Variants in MYRIP observed in about 807,000 individuals in gnomAD.
MYRIP encodes the protein myosin VIIA and Rab interacting protein.
MYRIP carries 49 observed loss-of-function variants against 98.0 expected under a neutral mutation model. That is an observed-to-expected ratio of 0.50 (90% CI 0.40 to 0.63). The LOEUF is 0.63. Ranked by LOEUF, MYRIP falls within the 30% of genes least tolerant of loss-of-function variation. The pLI is 0.00. For missense variants in MYRIP, 1,004 were observed against 1,058.2 expected (o/e 0.95, Z 0.71); for synonymous variants, 404 against 409.5 (o/e 0.99, Z 0.16).
rs546599510 is a variant in MYRIP, at chr3:39,996,845, A to G, written c.111-47205A>G. Among the ~76,000 whole-genome samples, 9 of 152,348 alleles carry G rather than the reference A, an allele frequency of 5.9e-5. No individual in the cohort carries two copies. The South Asian group carries it at 1.9e-3, about 32-fold the overall frequency. ...AATAACAAACTATCTCTCAGACCAC[A>G]GTGCAATCAAACTAGGACTCAGGAT... On this transcript the variant is annotated intron_variant, in intron 2 of 16. Coordinates refer to ENST00000302541, the MANE Select transcript of MYRIP (RefSeq NM_015460.4).
intron 2 of MYRIP, among the ~76,000 whole-genome samples, chr3:40,031,694 A>G (rs1947264210): frequency 6.6e-6 from 1 of 152,160 alleles, no homozygotes; most frequent in Admixed American, 6.5e-5. Flanking sequence ...CAGAGATTCA[A>G]CTTCTTCCTG....
intron 2 of MYRIP, among the ~76,000 whole-genome samples, chr3:39,920,369 T>A (rs1357327405): frequency 1.3e-5 from 2 of 152,214 alleles, no homozygotes; most frequent in African/African-American, 4.8e-5. Context: ...GAAATGCTAG[T>A]GTTTGTTTTA....
chr3:39,887,877 A>G (rs890828062), intron 1 of MYRIP, among the ~76,000 whole-genome samples: 32 of 152,116 alleles, frequency 2.1e-4, no homozygotes, highest in African/African-American at 7.0e-4. Flanking sequence ...ATTCTTCTAC[A>G]CCAACAACAG....
At chr3:40,030,719 G>A (rs1163914640) in intron 2 of MYRIP, among the ~76,000 whole-genome samples, 2 of 152,122 alleles carry the variant, frequency 1.3e-5, no homozygotes, top group African/African-American at 2.4e-5. Flanking sequence ...AAAGAAGCCA[G>A]ACACAGAAGG....
intron 1 of MYRIP, among the ~76,000 whole-genome samples, chr3:39,823,291 G>A (rs568611163): frequency 1.3e-5 from 2 of 152,288 alleles, no homozygotes; most frequent in South Asian, 2.1e-4. Flanking sequence ...TGGGATTACA[G>A]GCGTGAGCCA....
intron 10 of MYRIP, among the ~76,000 whole-genome samples, chr3:40,196,046 A>T (rs1349783407): frequency 3.3e-5 from 5 of 152,034 alleles, no homozygotes; most frequent in South Asian, 2.1e-4. Context: ...TTTAAAAAAA[A>T]TTTCTCTGCA....
At chr3:40,063,968 T>G (rs995112607) in intron 3 of MYRIP, among the ~76,000 whole-genome samples, 1 of 151,976 alleles carries the variant, frequency 6.6e-6, no homozygotes, top group Admixed American at 6.5e-5. Context: ...TGGACTTCCA[T>G]GAGAAGAGTG....
In MYRIP at chr3:40,248,558, A is replaced by G. The variant is rs953046800; in HGVS notation, c.2263-1664A>G. The G allele has an allele frequency of 5.3e-5, 8 of 152,184 alleles. No individual in the cohort carries two copies. In the East Asian group the frequency reaches 5.8e-4, roughly 11 times the overall value. The allele number at this position is 152,184 out of a possible 1,614,324, so 9.4% of individuals were successfully genotyped here. A position where few individuals can be genotyped will look rare whatever the true frequency, so the allele number is the denominator to read the frequency against. On this transcript the variant is annotated intron_variant, in intron 13 of 16. Coordinates refer to ENST00000302541, the MANE Select transcript of MYRIP (RefSeq NM_015460.4). ...CTCCTCTTTCTTTGTCCTTTGTCCT[A>G]TGGACTGAAACCTGAAAAATTAGCC...
At chr3:40,039,209 G>T (rs1170179214) in intron 2 of MYRIP, among the ~76,000 whole-genome samples, 4 of 152,132 alleles carry the variant, frequency 2.6e-5, no homozygotes, top group African/African-American at 9.7e-5. Context: ...CTTGAGGAAA[G>T]TTGGGGTGGA....
chr3:40,114,846 CA>C lies in MYRIP; in HGVS notation c.333-36199del, dbSNP rs542251718. ...TATTTAGCAATGGCTGTCAAAATTACAAATGCATATGACCTTTGAGCTAATC... is the reference window on the plus strand; with the variant it reads ...TATTTAGCAATGGCTGTCAAAATTACAATGCATATGACCTTTGAGCTAATC... On this transcript the variant is annotated intron_variant, in intron 3 of 16. Transcript: ENST00000302541. 1.1e-4 allele frequency among the ~76,000 whole-genome samples: 16 copies of C among 152,258 alleles called. No individual in the cohort carries two copies. In the South Asian group the frequency reaches 1.9e-3, roughly 18 times the overall value.
At position 40,251,954 on chromosome 3, in the gene MYRIP, A is replaced by G; in HGVS notation, c.2502A>G (p.Ser834=). 1 of 1,613,710 alleles carries G rather than the reference A, an allele frequency of 6.2e-7. No individual in the cohort carries two copies. The highest frequency in any genetic ancestry group is 8.5e-7 in the Non-Finnish European group (1 of 1,179,642). Residue 834 remains serine (S), a synonymous_variant, in exon 16 of 17, where the codon TCA becomes TCG. Transcript: ENST00000302541. The part of the protein sequence containing the change: ...FNHNFILQGS[S]TNRTKERKGT... ...ACAACTTCATTCTCCAAGGCTCCTC[A>G]ACAAACAGGACTAAGGAAAGGAAAG...
intron 2 of MYRIP, among the ~76,000 whole-genome samples, chr3:39,938,213 T>G (rs1944700287): frequency 6.6e-6 from 1 of 152,216 alleles, no homozygotes; most frequent in African/African-American, 2.4e-5. Context: ...AATTTGCCTA[T>G]TTTTGAACTT....
At chr3:40,095,917 TC>T (rs753896046) in intron 3 of MYRIP, among the ~76,000 whole-genome samples, 1 of 151,326 alleles carries the variant, frequency 6.6e-6, no homozygotes, top group Non-Finnish European at 1.5e-5. Context: ...CCTCTCCCCA[TC>T]CTTTTTTCTC....
rs1291965689 is a variant in MYRIP, at chr3:40,212,217, TATATATATACACACACACACACACAC to T, written c.1905+2126_1905+2151del. ...ATACATATATATACGTGTGTGTATA[TATATATATACACACACACACACACAC>T]ACATATATATATATACACGTATATA... On this transcript the variant is annotated intron_variant, in intron 11 of 16. Coordinates refer to ENST00000302541, the MANE Select transcript of MYRIP (RefSeq NM_015460.4). 2.6e-5 allele frequency among the ~76,000 whole-genome samples: 2 copies of T among 77,544 alleles called. 1 individual carries two copies. Among genetic ancestry groups the T allele is most frequent in the Non-Finnish European group, 6.4e-5 (2 of 31,328 alleles). 50.9% of individuals were successfully genotyped at this position (77,544 alleles called of 152,430 possible). A position where few individuals can be genotyped will look rare whatever the true frequency, so the allele number is the denominator to read the frequency against.
intron 2 of MYRIP, among the ~76,000 whole-genome samples, chr3:39,902,696 T>C (rs1410910593): frequency 6.6e-6 from 1 of 152,196 alleles, no homozygotes; most frequent in African/African-American, 2.4e-5. Context: ...GAAACTCACA[T>C]ATGGATAAGC....
intron 1 of MYRIP, among the ~76,000 whole-genome samples, chr3:39,855,719 G>A (rs1942267271): frequency 1.3e-5 from 2 of 152,106 alleles, no homozygotes; most frequent in African/African-American, 4.8e-5. Context: ...CCCGGGTTGT[G>A]AGCTGCCCCA....
intron 2 of MYRIP, among the ~76,000 whole-genome samples, chr3:39,986,232 A>G (rs929146313): frequency 6.6e-6 from 1 of 152,208 alleles, no homozygotes; most frequent in African/African-American, 2.4e-5. Flanking sequence ...ACTCGTCATT[A>G]GAGTCAGAGC....
At chr3:40,073,788 T>C (rs1301906345) in intron 3 of MYRIP, among the ~76,000 whole-genome samples, 1 of 152,228 alleles carries the variant, frequency 6.6e-6, no homozygotes, top group African/African-American at 2.4e-5. Flanking sequence ...TCTAGCAGCA[T>C]GTTTTGGTTG....
chr3:40,127,710 G>T (rs146461908), intron 3 of MYRIP, among the ~76,000 whole-genome samples: 2 of 152,316 alleles, frequency 1.3e-5, no homozygotes, highest in East Asian at 3.9e-4. Context: ...TCTCAACTTG[G>T]CCAATGTCAG....
Sources: gnomAD v4.1 joint callset for allele counts (sites outside exome capture counted in the v4.1 genomes callset) on GRCh38, gnomAD v4.1.1 for gene constraint, MANE v1.5 for transcripts, NCBI Gene and HGNC (gene_info 2026-07-23, HGNC 2026-07-21) for gene names.